Variants in KIF11 observed in about 807,000 individuals in gnomAD.
The protein encoded by KIF11 is kinesin-like protein KIF11.
KIF11 carries 9 observed loss-of-function variants against 121.0 expected under a neutral mutation model. That is an observed-to-expected ratio of 0.07 (90% confidence interval 0.04 to 0.13). The LOEUF (loss-of-function observed/expected upper bound fraction) is 0.13, where lower values mean the gene tolerates loss of function less well. KIF11 is among the 10% of genes least tolerant of loss of function. KIF11 has a pLI of 1.00. For synonymous variants in KIF11, 408 were observed against 421.0 expected (o/e 0.97, Z 0.38); for missense variants, 846 against 1,217.5 (o/e 0.69, Z 4.54).
intron 1 of KIF11, among the ~76,000 whole-genome samples, chr10:92,594,871 AT>A (rs11429679): frequency 3.3e-5 from 5 of 150,640 alleles, no homozygotes; most frequent in East Asian, 3.9e-4. Flanking sequence ...GTGTAAAGAG[AT>A]TTTTTTTTTC....
chr10:92,616,170 AGATT>A (rs1417140429), intron 8 of KIF11, among the ~76,000 whole-genome samples: 2 of 150,774 alleles, frequency 1.3e-5, no homozygotes, highest in African/African-American at 4.9e-5. Flanking sequence ...ATCAGTTGGT[AGATT>A]GATTGAGCTT....
intron 10 of KIF11, among the ~76,000 whole-genome samples, chr10:92,626,083 T>A (rs1589599524): frequency 6.6e-6 from 1 of 152,200 alleles, no homozygotes; most frequent in Non-Finnish European, 1.5e-5. Flanking sequence ...GTAAAATTCA[T>A]GTGGAACTGG....
At chr10:92,597,029 G>T (rs1844304379) in intron 1 of KIF11, 2 of 392,476 alleles carry the variant, frequency 5.1e-6, no homozygotes, top group South Asian at 2.3e-5. Flanking sequence ...TGTGTTCCTG[G>T]ATCTCCAAAC....
chr10:92,626,017 G>C (rs749723463), intron 10 of KIF11, among the ~76,000 whole-genome samples: 4 of 152,190 alleles, frequency 2.6e-5, no homozygotes, highest in African/African-American at 9.6e-5. Context: ...GCTATTTACA[G>C]ATTAAATGCT....
intron 1 of KIF11, among the ~76,000 whole-genome samples, chr10:92,605,051 G>T (rs1844413629): frequency 6.6e-6 from 1 of 151,982 alleles, no homozygotes; most frequent in South Asian, 2.1e-4. Context: ...GTTTAGAAAA[G>T]GTGTATAAAG....
chr10:92,619,144 G>A (rs576658771), intron 9 of KIF11, among the ~76,000 whole-genome samples: 4 of 152,236 alleles, frequency 2.6e-5, no homozygotes, highest in South Asian at 4.1e-4. Flanking sequence ...ACTCTCCCAA[G>A]TAGCTGGGAT....
In KIF11 at chr10:92,633,948, A is replaced by T. The variant is rs189854173; in HGVS notation, c.1875+153A>T. The stretch of plus-strand genomic sequence containing the variant: ...TACTAGACACAGTCATAGACACGTC[A>T]CTGTGAGAGACTACATATATATATA... On this transcript the variant is annotated intron_variant, in intron 14 of 21. Transcript: ENST00000260731. Among the ~76,000 whole-genome samples, 19 of 152,222 alleles carry T rather than the reference A, an allele frequency of 1.2e-4. No homozygotes were observed. In the East Asian group the frequency reaches 2.9e-3, roughly 23 times the overall value.
chr10:92,600,311 A>T (rs999961522), intron 1 of KIF11, among the ~76,000 whole-genome samples: 2 of 151,766 alleles, frequency 1.3e-5, no homozygotes, highest in African/African-American at 2.4e-5. Flanking sequence ...CCTTATTTTT[A>T]TTATTTTTTT....
At chr10:92,651,985 A>AAAT (rs1554863457) in intron 21 of KIF11, among the ~76,000 whole-genome samples, 1 of 127,904 alleles carries the variant, frequency 7.8e-6, no homozygotes, top group Non-Finnish European at 1.6e-5. Context: ...TTTTTTTTTA[A>AAAT]ATATATATAG....
intron 8 of KIF11, among the ~76,000 whole-genome samples, chr10:92,616,133 G>A (rs996425888): frequency 3.3e-5 from 5 of 151,816 alleles, no homozygotes; most frequent in Admixed American, 6.6e-5. Flanking sequence ...CACTGTGCCC[G>A]GCTGATATAG....
intron 1 of KIF11, among the ~76,000 whole-genome samples, chr10:92,596,489 C>T (rs1197362266): frequency 1.3e-5 from 2 of 151,574 alleles, no homozygotes; most frequent in Non-Finnish European, 2.9e-5. Context: ...ACCAACAGTG[C>T]ATAAGGGTTC....
chr10:92,633,914 C>T (rs1047553200), intron 14 of KIF11, 119 bp downstream of exon 14: 83 of 649,026 alleles, frequency 1.3e-4, no homozygotes, highest in Middle Eastern at 8.6e-4. Flanking sequence ...ATTCTTTCTT[C>T]CTGAGCTTTA....
intron 14 of KIF11, among the ~76,000 whole-genome samples, chr10:92,636,362 A>G (rs1002505354): frequency 2.0e-5 from 3 of 152,168 alleles, no homozygotes; most frequent in Non-Finnish European, 4.4e-5. Flanking sequence ...GCGGTGGCTC[A>G]TCTCAGCACT....
rs760881480 is a variant in KIF11 at position 92,609,006 on chromosome 10, T to C, written c.388-14T>C. On this transcript the variant is annotated splice_polypyrimidine_tract_variant and intron_variant, in intron 4 of 21. Transcript: ENST00000260731. ...GGCATTCTTCCTTTATATTAGTCCT[T>C]ATTATAATTTCAGGATCCCTTGGCT... 1.0e-5 allele frequency: 15 copies of C among 1,460,608 alleles called. No homozygotes were observed. The highest frequency in any genetic ancestry group is 1.4e-5 in the African/African-American group (1 of 70,700). The allele number at this position is 1,460,608 out of a possible 1,614,324, so 90.5% of individuals were successfully genotyped here.
intron 9 of KIF11, among the ~76,000 whole-genome samples, chr10:92,618,733 A>G (rs144513152): frequency 6.6e-6 from 1 of 152,094 alleles, no homozygotes; most frequent in East Asian, 1.9e-4. Flanking sequence ...GGATATTGAT[A>G]TTAATAACAA....
intron 1 of KIF11, among the ~76,000 whole-genome samples, chr10:92,596,529 T>C (rs1844298514): frequency 7.1e-6 from 1 of 140,208 alleles, no homozygotes; most frequent in Non-Finnish European, 1.5e-5. Context: ...CCAACGTTTA[T>C]TTTCTGTTTC....
At chr10:92,640,038 T>G in intron 17 of KIF11, 138 bp downstream of exon 17, 1 of 494,968 alleles carries the variant, frequency 2.0e-6, no homozygotes, top group South Asian at 2.9e-5. Context: ...TGTATGTGTG[T>G]ATGTATATAT....
chr10:92,613,854 TGGTCCCAGCTACTTGGGG>T lies in KIF11; in HGVS notation c.1032+238_1032+255del, dbSNP rs1342305311. Among the ~76,000 whole-genome samples, 1 of 151,750 alleles carries T rather than the reference TGGTCCCAGCTACTTGGGG, an allele frequency of 6.6e-6. No homozygotes were observed. Among genetic ancestry groups the T allele is most frequent in the African/African-American group, 2.4e-5 (1 of 41,306 alleles). On this transcript the variant is annotated intron_variant, in intron 8 of 21. Coordinates refer to ENST00000260731, the MANE Select transcript of KIF11 (RefSeq NM_004523.4). The surrounding 1 kb of genome is among the most constrained non-coding windows in gnomAD (Gnocchi z 4.2). ...AGCTGGGTTTGGTGGTGTACAACTGTGGTCCCAGCTACTTGGGGGGCTGAGGTGGGAGGATCACTTAAG... is the reference window on the plus strand; with the variant it reads ...AGCTGGGTTTGGTGGTGTACAACTGTGGCTGAGGTGGGAGGATCACTTAAG...
chr10:92,609,831 G>A (rs11187096), intron 6 of KIF11, among the ~76,000 whole-genome samples: 1 of 151,930 alleles, frequency 6.6e-6, no homozygotes, highest in African/African-American at 2.4e-5. Flanking sequence ...CTGCCCACCG[G>A]GTTGAAGCAA....
Sources: gnomAD v4.1 joint callset for allele counts (sites outside exome capture counted in the v4.1 genomes callset) on GRCh38, gnomAD v4.1.1 for gene constraint, Gnocchi (gnomAD v3.1) non-coding constraint, MANE v1.5 for transcripts, NCBI Gene and HGNC (gene_info 2026-07-23, HGNC 2026-07-21) for gene names.